Variants in SKIC3 observed in about 807,000 individuals in gnomAD.
The protein encoded by SKIC3 is superkiller complex protein 3.
chr5:95,483,378 C>G, the SKIC3 span, among the ~76,000 whole-genome samples: 1 of 152,002 alleles, frequency 6.6e-6, no homozygotes, highest in Non-Finnish European at 1.5e-5. Flanking sequence ...TGATTGCTTT[C>G]TTCTAAGTAA....
At chr5:95,514,897 A>G in the SKIC3 span, 1 of 1,612,628 alleles carries the variant, frequency 6.2e-7, no homozygotes, top group Non-Finnish European at 8.5e-7. Flanking sequence ...CAAGGGATTG[A>G]GCCATTTTGA....
the SKIC3 span, among the ~76,000 whole-genome samples, chr5:95,466,444 C>T: frequency 6.6e-6 from 1 of 152,104 alleles, no homozygotes; most frequent in South Asian, 2.1e-4. Flanking sequence ...GCCAAATATC[C>T]AACATTGCAT....
At chr5:95,542,852 T>TA in the SKIC3 span, among the ~76,000 whole-genome samples, 131 of 152,292 alleles carry the variant, frequency 8.6e-4, no homozygotes, top group Admixed American at 1.4e-3. Context: ...TAGGAAACAT[T>TA]AAAAAACATT....
At chr5:95,520,785 G>C in the SKIC3 span, 8 of 1,612,036 alleles carry the variant, frequency 5.0e-6, no homozygotes, top group Non-Finnish European at 6.8e-6. Context: ...AACTAGAGCT[G>C]CTTTTGCCAT....
At chr5:95,516,663 A>T in the SKIC3 span, 1 of 1,613,394 alleles carries the variant, frequency 6.2e-7, no homozygotes. Context: ...AGTGTTACTC[A>T]ATTCTCACCA....
chr5:95,530,143 T>A, the SKIC3 span: 1 of 1,613,630 alleles, frequency 6.2e-7, no homozygotes, highest in African/African-American at 1.3e-5. Flanking sequence ...AATGCTTTAA[T>A]GCCTAAGCCA....
At chr5:95,520,922 A>T in the SKIC3 span, 1 of 828,866 alleles carries the variant, frequency 1.2e-6, no homozygotes, top group South Asian at 1.5e-5. Flanking sequence ...ACTTTCCAGA[A>T]AATAAAACTT....
At chr5:95,518,530 A>G in the SKIC3 span, among the ~76,000 whole-genome samples, 1 of 146,674 alleles carries the variant, frequency 6.8e-6, no homozygotes, top group Non-Finnish European at 1.5e-5. Flanking sequence ...TTTTTTTTTT[A>G]GCTTCCACAT....
the SKIC3 span, among the ~76,000 whole-genome samples, chr5:95,540,134 G>A: frequency 1.6e-3 from 238 of 152,204 alleles, 1 homozygote; most frequent in African/African-American, 5.4e-3. Context: ...AATAGCATTC[G>A]CAGCAACCTG....
At chr5:95,473,325 C>T in the SKIC3 span, among the ~76,000 whole-genome samples, 8 of 149,802 alleles carry the variant, frequency 5.3e-5, no homozygotes, top group African/African-American at 9.9e-5. Flanking sequence ...CTCTGTGGCC[C>T]GGGAGAGAGT....
the SKIC3 span, chr5:95,523,586 T>C: frequency 6.6e-7 from 1 of 1,514,202 alleles, no homozygotes; most frequent in South Asian, 1.2e-5. Flanking sequence ...AGTATACATA[T>C]ATAAAAATAT....
the SKIC3 span, chr5:95,541,902 A>G: frequency 6.2e-7 from 1 of 1,608,432 alleles, no homozygotes; most frequent in East Asian, 2.2e-5. Context: ...CAAGTTTGCT[A>G]ACCCCTAAAA....
chr5:95,541,299 A>C, the SKIC3 span: 2 of 1,613,306 alleles, frequency 1.2e-6, no homozygotes, highest in Non-Finnish European at 1.7e-6. Flanking sequence ...AAAATCATTC[A>C]CCAACCTCTA....
the SKIC3 span, among the ~76,000 whole-genome samples, chr5:95,535,350 G>A: frequency 1.7e-5 from 2 of 117,830 alleles, no homozygotes; most frequent in Non-Finnish European, 3.2e-5. Context: ...TCGCTCTTTC[G>A]CCCAGGCCGG....
At chr5:95,514,583 A>T in the SKIC3 span, among the ~76,000 whole-genome samples, 1 of 152,328 alleles carries the variant, frequency 6.6e-6, no homozygotes, top group African/African-American at 2.4e-5. Context: ...AGTCAGAGTT[A>T]AATCCTTACA....
the SKIC3 span, chr5:95,513,518 G>A: frequency 3.8e-6 from 6 of 1,571,070 alleles, no homozygotes; most frequent in Admixed American, 1.0e-4. Context: ...CCCTTAACAA[G>A]GATAACACTT....
At chr5:95,471,579 A>G in the SKIC3 span, among the ~76,000 whole-genome samples, 1 of 152,002 alleles carries the variant, frequency 6.6e-6, no homozygotes, top group African/African-American at 2.4e-5. Flanking sequence ...CTGAAAAGTA[A>G]TATTTGCACA....
chr5:95,513,960 G>T, the SKIC3 span, among the ~76,000 whole-genome samples: 2 of 152,118 alleles, frequency 1.3e-5, no homozygotes, highest in Non-Finnish European at 2.9e-5. Context: ...TCATCACTTG[G>T]GAGCAGTTAG....
chr5:95,490,623 G>C, the SKIC3 span, among the ~76,000 whole-genome samples: 1 of 151,360 alleles, frequency 6.6e-6, no homozygotes, highest in Non-Finnish European at 1.5e-5. Flanking sequence ...TCAGCCTCCA[G>C]AGTAGCTAGG....
Sources: gnomAD v4.1 joint callset for allele counts (sites outside exome capture counted in the v4.1 genomes callset) on GRCh38, gnomAD v4.1.1 for gene constraint, MANE v1.5 for transcripts, NCBI Gene and HGNC (gene_info 2026-07-23, HGNC 2026-07-21) for gene names.